The following GLB1L3 variants were observed in gnomAD, a reference collection of about 807,000 sequenced individuals.
GLB1L3 encodes the protein galactosidase beta 1 like 3, also known as beta-galactosidase-1-like protein 3.
A neutral mutation model predicts 89.5 loss-of-function variants in GLB1L3; 89 were observed. The observed-to-expected ratio is 0.99, with a 90% CI of 0.84 to 1.19. The LOEUF (loss-of-function observed/expected upper bound fraction) is 1.19. GLB1L3 is among the 50% of genes most tolerant of loss of function. GLB1L3 has a pLI of 0.00. For missense variants in GLB1L3, 812 were observed against 813.3 expected, an observed-to-expected ratio of 1.00 and a Z score of 0.02; for synonymous variants, 314 against 312.3, an observed-to-expected ratio of 1.01 and a Z score of -0.06.
chr11:134,289,295 C>G (rs1337065911), intron 7 of GLB1L3, among the ~76,000 whole-genome samples: 1 of 152,070 alleles, frequency 6.6e-6, no homozygotes. Flanking sequence ...TTATCCTCAT[C>G]ATCTTCAGGT....
chr11:134,301,447 T>C (rs1174467497), intron 9 of GLB1L3, among the ~76,000 whole-genome samples: 1 of 152,206 alleles, frequency 6.6e-6, no homozygotes, highest in Non-Finnish European at 1.5e-5. Context: ...TTCTTGTTTT[T>C]AATGGCCGTA....
chr11:134,283,617 C>T (rs955863996), intron 5 of GLB1L3, 120 bp from the exon 6 acceptor site: 21 of 607,440 alleles, frequency 3.5e-5, no homozygotes, highest in Admixed American at 1.4e-4. Context: ...CCGAGTGCTC[C>T]GGGACCGGGG....
At chr11:134,301,266 A>G (rs1565406461) in intron 9 of GLB1L3, among the ~76,000 whole-genome samples, 1 of 151,976 alleles carries the variant, frequency 6.6e-6, no homozygotes, top group Non-Finnish European at 1.5e-5. Context: ...CAGTTTTTCA[A>G]GTTTTGTCCT....
intron 2 of GLB1L3, 60 bp from the exon 3 acceptor site, chr11:134,277,640 G>A (rs749722320): frequency 1.3e-6 from 2 of 1,552,684 alleles, no homozygotes; most frequent in Non-Finnish European, 8.8e-7. Flanking sequence ...CCGTGCCTCC[G>A]AGCCCTCTCC....
At chr11:134,291,172 T>G (rs537166495) in intron 7 of GLB1L3, among the ~76,000 whole-genome samples, 80 of 152,240 alleles carry the variant, frequency 5.3e-4, no homozygotes, top group African/African-American at 1.8e-3. Flanking sequence ...CATGGAGGAT[T>G]GATTCCAGGG....
rs370128549 is a variant in GLB1L3, at chr11:134,311,111, C to G, written c.1228C>G (p.Pro410Ala). ...CAAACTTCCTCCCAAGGCTGTGTATCCCCCCGTGAGACCGTCGCTGTACCT... is the reference window on the plus strand; with the variant it reads ...CAAACTTCCTCCCAAGGCTGTGTATGCCCCCGTGAGACCGTCGCTGTACCT... ...VPKLPPKAVY[P>A]PVRPSLYLPL... is the part of the protein sequence containing the mutation. Residue 410 changes from proline (P) to alanine (A), a missense_variant, in exon 13 of 20, where the codon CCC becomes GCC. This residue lies in a region of GLB1L3 where 618 missense variants were observed against 604.0 expected (regional missense o/e 1.02). Coordinates refer to ENST00000431683, the MANE Select transcript of GLB1L3 (RefSeq NM_001080407.3). The G allele has an allele frequency of 1.9e-6, 3 of 1,613,724 alleles. No homozygotes were observed. Among genetic ancestry groups the G allele is most frequent in the Non-Finnish European group, 2.5e-6 (3 of 1,179,770 alleles).
chr11:134,317,434 CCTTT>C (rs1264259046), intron 18 of GLB1L3, among the ~76,000 whole-genome samples: 1 of 152,142 alleles, frequency 6.6e-6, no homozygotes, highest in Non-Finnish European at 1.5e-5. Flanking sequence ...TTTCCAACTT[CCTTT>C]GTCATTACTT....
intron 7 of GLB1L3, among the ~76,000 whole-genome samples, chr11:134,289,537 A>G (rs772065848): frequency 1.3e-5 from 2 of 152,214 alleles, no homozygotes; most frequent in Non-Finnish European, 2.9e-5. Context: ...GACAATCACT[A>G]TGTACCTAAA....
intron 6 of GLB1L3, among the ~76,000 whole-genome samples, chr11:134,286,776 C>CA (rs1156829688): frequency 1.3e-4 from 20 of 148,814 alleles, no homozygotes; most frequent in African/African-American, 5.0e-4. Context: ...GACTCCGTCT[C>CA]AAAAAATAAA....
chr11:134,308,406 A>AT (rs1942435017), intron 10 of GLB1L3, among the ~76,000 whole-genome samples: 1 of 106,950 alleles, frequency 9.4e-6, no homozygotes, highest in Non-Finnish European at 1.9e-5. Flanking sequence ...CATCACCATC[A>AT]CCACCACCAC....
At chr11:134,279,364 C>CTTTTTT (rs10577769) in intron 3 of GLB1L3, among the ~76,000 whole-genome samples, 885 of 108,032 alleles carry the variant, frequency 8.2e-3, no homozygotes, top group Non-Finnish European at 0.011. Flanking sequence ...TTTTCTTTTT[C>CTTTTTT]TTTTTTTTTT....
At chr11:134,292,754 C>G in intron 8 of GLB1L3, 1 of 338,856 alleles carries the variant, frequency 3.0e-6, no homozygotes, top group Non-Finnish European at 5.5e-6. Context: ...AGCAGGGGAG[C>G]GGGGCGAGCT....
At chr11:134,277,228 C>A (rs761229438) in intron 1 of GLB1L3, 98 bp from the exon 2 acceptor site, 9 of 1,523,644 alleles carry the variant, frequency 5.9e-6, no homozygotes, top group Non-Finnish European at 8.1e-6. Flanking sequence ...CCCTCCCTGG[C>A]TCTGGCCTCT....
chr11:134,288,693 A>G, intron 6 of GLB1L3, 105 bp from the exon 7 acceptor site: 2 of 724,816 alleles, frequency 2.8e-6, no homozygotes, highest in Non-Finnish European at 4.5e-6. Flanking sequence ...GCCGTGGATC[A>G]GAGCCTGCCG....
chr11:134,302,577 A>G (rs1942001853), intron 9 of GLB1L3, among the ~76,000 whole-genome samples: 1 of 152,212 alleles, frequency 6.6e-6, no homozygotes, highest in South Asian at 2.1e-4. Context: ...TTTAAGGTAT[A>G]TCACACAGAG....
At chr11:134,308,525 A>C in intron 10 of GLB1L3, among the ~76,000 whole-genome samples, 1 of 78,636 alleles carries the variant, frequency 1.3e-5, no homozygotes, top group Non-Finnish European at 2.8e-5. Context: ...CACCATGTCC[A>C]CCACCACTAC....
At chr11:134,289,050 T>C in intron 7 of GLB1L3, 160 bp downstream of exon 7, 1 of 544,620 alleles carries the variant, frequency 1.8e-6, no homozygotes, top group East Asian at 3.1e-5. Context: ...ACTGCATAGC[T>C]GAAAATTTGC....
intron 9 of GLB1L3, among the ~76,000 whole-genome samples, chr11:134,295,514 G>C (rs1941583886): frequency 6.6e-6 from 1 of 152,248 alleles, no homozygotes; most frequent in East Asian, 1.9e-4. Flanking sequence ...ATTTTGGTTA[G>C]TGTGGCTAGA....
At chr11:134,286,639 T>C (rs543830684) in intron 6 of GLB1L3, among the ~76,000 whole-genome samples, 12 of 150,348 alleles carry the variant, frequency 8.0e-5, no homozygotes, top group South Asian at 2.1e-4. Flanking sequence ...TAGCCGGGCG[T>C]GGTGGCGGGC....
Sources: gnomAD v4.1 joint callset for allele counts (sites outside exome capture counted in the v4.1 genomes callset) on GRCh38, gnomAD v4.1.1 for gene constraint, gnomAD v4.1.1 regional missense constraint, MANE v1.5 for transcripts, NCBI Gene and HGNC (gene_info 2026-07-23, HGNC 2026-07-21) for gene names.